Variants in TENM3 observed in about 807,000 individuals in gnomAD.
TENM3 encodes the protein teneurin transmembrane protein 3, also known as teneurin-3.
Under a neutral mutation model 255.1 loss-of-function variants are expected in TENM3, and 63 were observed. The ratio of observed to expected loss-of-function variants is 0.25; its 90% CI spans 0.20 to 0.30. The LOEUF (loss-of-function observed/expected upper bound fraction) is 0.30, where lower values mean the gene tolerates loss of function less well. Among genes scored for constraint, TENM3 ranks in the 10% least tolerant of loss-of-function variants. TENM3 has a pLI of 1.00. For missense variants in TENM3, 2,929 were observed against 3,461.1 expected, an observed-to-expected ratio of 0.85 and a Z score of 3.86; for synonymous variants, 1,306 against 1,322.3, an observed-to-expected ratio of 0.99 and a Z score of 0.27.
chr4:182,041,853 G>A, the TENM3 span, among the ~76,000 whole-genome samples: 14,139 of 152,242 alleles, frequency 0.093, 692 homozygotes, highest in East Asian at 0.13. Context: ...TCACTTTGCA[G>A]TCCATTACTT....
chr4:182,321,241 C>G (rs1445634457), intron 1 of TENM3, among the ~76,000 whole-genome samples: 1 of 152,138 alleles, frequency 6.6e-6, no homozygotes, highest in Non-Finnish European at 1.5e-5. Context: ...ATGTATGCCC[C>G]ATAAGGACAG....
At chr4:182,720,687 A>G (rs6845880) in intron 13 of TENM3, among the ~76,000 whole-genome samples, 151,939 of 152,200 alleles carry the variant, frequency 1, 75,839 homozygotes, top group Non-Finnish European at 1. Flanking sequence ...GGAACGTAAG[A>G]TTTAACCACT....
At chr4:182,399,100 C>A (rs1769053176) in intron 3 of TENM3, among the ~76,000 whole-genome samples, 1 of 152,182 alleles carries the variant, frequency 6.6e-6, no homozygotes, top group African/African-American at 2.4e-5. Context: ...CTTTCAGATG[C>A]ATTGACTAAT....
At chr4:182,764,479 T>C (rs557887651) in intron 22 of TENM3, among the ~76,000 whole-genome samples, 9 of 152,328 alleles carry the variant, frequency 5.9e-5, no homozygotes, top group African/African-American at 2.2e-4. Context: ...GAGGATCATC[T>C]AAATCCGATT....
chr4:181,672,187 G>T, the TENM3 span, among the ~76,000 whole-genome samples: 1 of 152,040 alleles, frequency 6.6e-6, no homozygotes, highest in African/African-American at 2.4e-5. Context: ...AGGCTCCAGT[G>T]TCCCATCTTG....
intron 13 of TENM3, among the ~76,000 whole-genome samples, chr4:182,723,151 T>G (rs1759887828): frequency 6.6e-6 from 1 of 152,218 alleles, no homozygotes; most frequent in African/African-American, 2.4e-5. Context: ...ATGACCAGCC[T>G]GGAGTCATTA....
At chr4:181,500,050 CAG>C in the TENM3 span, among the ~76,000 whole-genome samples, 17,584 of 151,764 alleles carry the variant, frequency 0.12, 1,241 homozygotes, top group South Asian at 0.19. Context: ...TTTTTTGAGA[CAG>C]AGTTTCACTC....
intron 4 of TENM3, among the ~76,000 whole-genome samples, chr4:182,603,088 G>A (rs559170973): frequency 3.5e-4 from 54 of 152,184 alleles, no homozygotes; most frequent in African/African-American, 1.1e-3. Context: ...CTTGTTATTC[G>A]TCTTATTGCA....
chr4:181,865,772 C>T, the TENM3 span, among the ~76,000 whole-genome samples: 15 of 152,058 alleles, frequency 9.9e-5, no homozygotes, highest in African/African-American at 2.4e-4. Flanking sequence ...TTTAGAAATC[C>T]GGTCAGTGTA....
chr4:181,630,508 A>G, the TENM3 span, among the ~76,000 whole-genome samples: 1 of 152,096 alleles, frequency 6.6e-6, no homozygotes, highest in East Asian at 1.9e-4. Context: ...ACACTGCTTT[A>G]AATGTGTCCC....
chr4:181,627,180 G>A, the TENM3 span, among the ~76,000 whole-genome samples: 3 of 152,092 alleles, frequency 2.0e-5, no homozygotes, highest in African/African-American at 7.2e-5. Flanking sequence ...TCACCTGAGG[G>A]GTGCTTAATA....
intron 1 of TENM3, among the ~76,000 whole-genome samples, chr4:182,220,096 G>T (rs1755754433): frequency 6.6e-6 from 1 of 152,132 alleles, no homozygotes; most frequent in African/African-American, 2.4e-5. Context: ...CAGCTTTATG[G>T]CCAGGCACGT....
chr4:182,420,672 A>C (rs1008890892), intron 3 of TENM3, among the ~76,000 whole-genome samples: 1 of 152,364 alleles, frequency 6.6e-6, no homozygotes, highest in African/African-American at 2.4e-5. Flanking sequence ...TGGGGGCAGA[A>C]TCCTGTGGAT....
At chr4:182,128,876 T>C in the TENM3 span, among the ~76,000 whole-genome samples, 1 of 152,232 alleles carries the variant, frequency 6.6e-6, no homozygotes, top group Non-Finnish European at 1.5e-5. Context: ...TTGTTATTAC[T>C]ATCCAGTTTC....
the TENM3 span, among the ~76,000 whole-genome samples, chr4:181,632,801 G>A: frequency 0.019 from 2,897 of 152,240 alleles, 48 homozygotes; most frequent in Middle Eastern, 0.061. Flanking sequence ...AAAGGAGGCC[G>A]TTAAGAATAT....
chr4:182,001,680 AC>A, the TENM3 span, among the ~76,000 whole-genome samples: 6 of 152,268 alleles, frequency 3.9e-5, no homozygotes, highest in East Asian at 1.2e-3. Context: ...CGACTTGTGC[AC>A]TTAGAGAATG....
the TENM3 span, among the ~76,000 whole-genome samples, chr4:181,958,190 T>A: frequency 6.6e-6 from 1 of 152,220 alleles, no homozygotes; most frequent in Admixed American, 6.5e-5. Flanking sequence ...TTCCTGAACA[T>A]AGACACATAA....
At chr4:181,673,254 T>A in the TENM3 span, among the ~76,000 whole-genome samples, 1 of 152,130 alleles carries the variant, frequency 6.6e-6, no homozygotes, top group Non-Finnish European at 1.5e-5. Context: ...ATGGGGAATG[T>A]GGATTTTTCC....
the TENM3 span, among the ~76,000 whole-genome samples, chr4:181,540,985 ACT>A: frequency 1.3e-5 from 2 of 152,154 alleles, no homozygotes; most frequent in African/African-American, 4.8e-5. Context: ...ATGTGCAATA[ACT>A]CTGTAAATCT....
Sources: allele counts gnomAD v4.1 joint callset (sites outside exome capture counted in the v4.1 genomes callset), GRCh38; gene constraint gnomAD v4.1.1; transcripts MANE v1.5; gene names NCBI Gene and HGNC (gene_info 2026-07-23, HGNC 2026-07-21).